The following PDE9A variants were observed in gnomAD, a reference collection of about 807,000 sequenced individuals.
The protein encoded by PDE9A is high affinity cGMP-specific 3',5'-cyclic phosphodiesterase 9A.
Under a neutral mutation model 87.4 loss-of-function variants are expected in PDE9A, and 60 were observed. The observed-to-expected ratio is 0.69, with a 90% CI of 0.56 to 0.85. The LOEUF (loss-of-function observed/expected upper bound fraction) is 0.85. PDE9A is among the 40% of genes least tolerant of loss of function. The probability of loss-of-function intolerance (pLI) is 0.00; values close to 1 mark genes in which losing one functional copy is unlikely to be tolerated. For missense variants in PDE9A, 665 were observed against 779.0 expected, an observed-to-expected ratio of 0.85 and a Z score of 1.74; for synonymous variants, 272 against 279.4, an observed-to-expected ratio of 0.97 and a Z score of 0.27.
chr21:42,674,054 G>C (rs768134660), intron 1 of PDE9A, among the ~76,000 whole-genome samples: 1 of 152,218 alleles, frequency 6.6e-6, no homozygotes. Flanking sequence ...ACGAAGAAAC[G>C]AAATCTGAAT....
chr21:42,748,214 A>G (rs754535757), intron 8 of PDE9A, among the ~76,000 whole-genome samples: 89 of 152,132 alleles, frequency 5.9e-4, no homozygotes, highest in Admixed American at 5.7e-3. Context: ...CATGCCATCT[A>G]TTTTTTTTAA....
chr21:42,693,235 T>C (rs1312618628), intron 3 of PDE9A, among the ~76,000 whole-genome samples: 1 of 151,936 alleles, frequency 6.6e-6, no homozygotes, highest in East Asian at 1.9e-4. Flanking sequence ...AACCACTCCC[T>C]GTAAGCTAGT....
intron 1 of PDE9A, among the ~76,000 whole-genome samples, chr21:42,666,863 T>C (rs1011842063): frequency 1.3e-5 from 2 of 152,198 alleles, no homozygotes; most frequent in African/African-American, 4.8e-5. Context: ...TTCTGGCCTT[T>C]GTAACCCTAA....
rs55675725 is a variant in PDE9A at position 42,660,615 on chromosome 21, C to T, written c.69+6732C>T. Among the ~76,000 whole-genome samples, 5 of 143,896 alleles carry T rather than the reference C, an allele frequency of 3.5e-5. No homozygotes were observed. The East Asian group carries it at 1.0e-3, about 29-fold the overall frequency. The allele number at this position is 143,896 out of a possible 152,430, so 94.4% of individuals were successfully genotyped here. A position where few individuals can be genotyped will look rare whatever the true frequency, so the allele number is the denominator to read the frequency against. On this transcript the variant is annotated intron_variant, in intron 1 of 19. Coordinates refer to ENST00000291539, the MANE Select transcript of PDE9A (RefSeq NM_002606.3). The surrounding 1 kb of genome is among the most constrained non-coding windows in gnomAD (Gnocchi z 4.7). Reference sequence around the variant, plus strand: ...CCAAACACCACCCCTTCCCCAAACACTATTGGAATTAAAAAAAAAAAAAAA... The same window carrying T: ...CCAAACACCACCCCTTCCCCAAACATTATTGGAATTAAAAAAAAAAAAAAA...
intron 1 of PDE9A, among the ~76,000 whole-genome samples, chr21:42,673,319 A>G (rs2058664737): frequency 1.3e-5 from 2 of 152,286 alleles, no homozygotes; most frequent in Middle Eastern, 3.4e-3. Context: ...TCCTAGAGGT[A>G]AGAGACAGCC....
intron 7 of PDE9A, chr21:42,734,205 T>A (rs143992429): frequency 6.6e-6 from 1 of 152,248 alleles, no homozygotes; most frequent in East Asian, 1.9e-4. Context: ...AACAGCCTAC[T>A]ACAGCCTCCA....
At chr21:42,721,502 T>A (rs937785471) in intron 4 of PDE9A, among the ~76,000 whole-genome samples, 4 of 152,224 alleles carry the variant, frequency 2.6e-5, no homozygotes, top group African/African-American at 9.6e-5. Context: ...CCTGTGCCTT[T>A]AAGGTCACTG....
At chr21:42,656,087 T>A (rs1381938814) in intron 1 of PDE9A, among the ~76,000 whole-genome samples, 1 of 152,178 alleles carries the variant, frequency 6.6e-6, no homozygotes, top group African/African-American at 2.4e-5. Context: ...ATTCCTTCTC[T>A]TAAAGTACCA....
chr21:42,762,161 G>A lies in PDE9A; in HGVS notation c.1164G>A (p.Val388=), dbSNP rs979928467. ...CGCTGGAGAACCACCACTGCGCCGT[G>A]GCCTTCCAGATCCTCGCCGAGCCTG... ...ISPLENHHCA[V]AFQILAEPEC... is the part of the protein sequence containing the mutation. The change falls in exon 14 of 20, where the codon GTG becomes GTA. Residue 388 remains valine, a synonymous_variant. Transcript: ENST00000291539. The A allele has an allele frequency of 2.5e-6, 4 of 1,614,152 alleles. No homozygotes were observed. The highest frequency in any genetic ancestry group is 2.7e-5 in the African/African-American group (2 of 75,050).
In PDE9A at chr21:42,659,750, C is replaced by T. The variant is rs1355010919; in HGVS notation, c.69+5867C>T. ...AGCCAGAACCACAGGCCCCATGAGC[C>T]CAGGTCCCACAGCCCGCACCTTCGT... On this transcript the variant is annotated intron_variant, in intron 1 of 19. Transcript: ENST00000291539. This position sits in a 1 kb window ranked among gnomAD's most constrained non-coding sequence, Gnocchi z 4.1. Among the ~76,000 whole-genome samples, 1 of 152,214 alleles carries T rather than the reference C, an allele frequency of 6.6e-6. No individual in the cohort carries two copies. Among genetic ancestry groups the T allele is most frequent in the African/African-American group, 2.4e-5 (1 of 41,452 alleles).
rs2057427893 is a variant in PDE9A at position 42,660,841 on chromosome 21, T to C, written c.69+6958T>C. Among the ~76,000 whole-genome samples, 1 of 151,942 alleles carries C rather than the reference T, an allele frequency of 6.6e-6. No individual in the cohort carries two copies. Among genetic ancestry groups the C allele is most frequent in the South Asian group, 2.1e-4 (1 of 4,812 alleles). On this transcript the variant is annotated intron_variant, in intron 1 of 19. Coordinates refer to ENST00000291539, the MANE Select transcript of PDE9A (RefSeq NM_002606.3). This position sits in a 1 kb window ranked among gnomAD's most constrained non-coding sequence, Gnocchi z 4.7. ...TATTTTCACTTGAGGGTGCAACTTA[T>C]TTGTCTTGAACCCATCCCTGACTGC...
chr21:42,681,737 G>A (rs1325003908), intron 1 of PDE9A, among the ~76,000 whole-genome samples: 1 of 152,192 alleles, frequency 6.6e-6, no homozygotes, highest in Non-Finnish European at 1.5e-5. Context: ...ATTCTCGTAA[G>A]CTCCAGCCCT....
intron 7 of PDE9A, 56 bp from the exon 8 acceptor site, chr21:42,743,720 A>T: frequency 8.8e-7 from 1 of 1,134,578 alleles, no homozygotes; most frequent in Non-Finnish European, 1.3e-6. Context: ...CAGCCTTGAG[A>T]GATCCTCCAC....
At chr21:42,666,570 C>T (rs1051087751) in intron 1 of PDE9A, among the ~76,000 whole-genome samples, 2 of 152,158 alleles carry the variant, frequency 1.3e-5, no homozygotes, top group African/African-American at 4.8e-5. Flanking sequence ...AAGGCCCTCG[C>T]GGTCTGAAGG....
chr21:42,738,875 C>A (rs571482694), intron 7 of PDE9A, among the ~76,000 whole-genome samples: 21 of 152,124 alleles, frequency 1.4e-4, no homozygotes, highest in Non-Finnish European at 2.8e-4. Flanking sequence ...TTAGTGGAGA[C>A]GGGGTTTCAT....
chr21:42,704,433 AACACACACACAC>A lies in PDE9A; in HGVS notation c.262+5448_262+5459del, dbSNP rs34581078. On this transcript the variant is annotated intron_variant, in intron 4 of 19. Transcript: ENST00000291539. This position sits in a 1 kb window ranked among gnomAD's most constrained non-coding sequence, Gnocchi z 5.3. ...CAGGTAGACCCCCCCCACCCCACCAAACACACACACACACACACACACACACACACACACACA... is the reference window on the plus strand; with the variant it reads ...CAGGTAGACCCCCCCCACCCCACCAAACACACACACACACACACACACACA... Among the ~76,000 whole-genome samples the A allele has an allele frequency of 5.1e-5, 7 of 137,114 alleles. No individual in the cohort carries two copies. The South Asian group carries it at 1.5e-3, about 29-fold the overall frequency. The allele number at this position is 137,114 out of a possible 152,430, so 90.0% of individuals were successfully genotyped here. A position where few individuals can be genotyped will look rare whatever the true frequency, so the allele number is the denominator to read the frequency against.
At chr21:42,683,693 A>G (rs2059293870) in intron 1 of PDE9A, among the ~76,000 whole-genome samples, 1 of 152,334 alleles carries the variant, frequency 6.6e-6, no homozygotes, top group African/African-American at 2.4e-5. Flanking sequence ...CCCAGTCCCA[A>G]GAGACTGCGA....
intron 1 of PDE9A, among the ~76,000 whole-genome samples, chr21:42,681,944 C>T (rs941197345): frequency 9.2e-5 from 14 of 152,240 alleles, no homozygotes; most frequent in African/African-American, 2.9e-4. Flanking sequence ...GGGGTCCTCC[C>T]GTGGTCTGAA....
At chr21:42,716,659 C>T (rs939366770) in intron 4 of PDE9A, among the ~76,000 whole-genome samples, 7 of 150,896 alleles carry the variant, frequency 4.6e-5, no homozygotes, top group East Asian at 3.9e-4. Context: ...AGTCTACTTA[C>T]TCCCCTCTCC....
Sources: gnomAD v4.1 joint callset for allele counts (sites outside exome capture counted in the v4.1 genomes callset) on GRCh38, gnomAD v4.1.1 for gene constraint, Gnocchi (gnomAD v3.1) non-coding constraint, MANE v1.5 for transcripts, NCBI Gene and HGNC (gene_info 2026-07-23, HGNC 2026-07-21) for gene names.